ZC4H2: variants seen among roughly 807,000 people sequenced by gnomAD.
ZC4H2 encodes the protein zinc finger C4H2 domain-containing protein.
For missense variants in ZC4H2, 137 were observed against 173.9 expected, an observed-to-expected ratio of 0.79 and a Z score of 1.19; for synonymous variants, 84 against 66.3, an observed-to-expected ratio of 1.27 and a Z score of -1.30.
intron 1 of ZC4H2, among the ~76,000 whole-genome samples, chrX:64,941,190 C>G (rs1016668693): frequency 6.3e-5 from 7 of 111,755 alleles, no homozygotes; most frequent in African/African-American, 2.0e-4. Flanking sequence ...ATTTGGCTCT[C>G]TGTGTGTCTA....
chrX:64,932,799 T>A (rs896316342), intron 1 of ZC4H2, among the ~76,000 whole-genome samples: 1 of 111,398 alleles, frequency 9.0e-6, no homozygotes, highest in East Asian at 2.8e-4. Context: ...ATGTTTTTTT[T>A]AATCTTGACT....
intron 1 of ZC4H2, among the ~76,000 whole-genome samples, chrX:65,022,272 C>T (rs1445295746): frequency 9.0e-6 from 1 of 111,579 alleles, no homozygotes; most frequent in African/African-American, 3.3e-5. Context: ...TGCGAAAATC[C>T]TCAATAAGAT....
At chrX:64,943,998 C>T (rs1930411444) in intron 1 of ZC4H2, among the ~76,000 whole-genome samples, 1 of 110,863 alleles carries the variant, frequency 9.0e-6, no homozygotes, top group Non-Finnish European at 1.9e-5. Flanking sequence ...TTATTGCTTC[C>T]TTCAGGAGCT....
chrX:64,976,899 A>C (rs1931967352), upstream of ZC4H2, among the ~76,000 whole-genome samples: 1 of 96,358 alleles, frequency 1.0e-5, no homozygotes, highest in Admixed American at 1.1e-4. Context: ...CTGCCTGGGG[A>C]CCAGTAACTT....
At chrX:64,926,454 T>G (rs1332723215) in intron 1 of ZC4H2, among the ~76,000 whole-genome samples, 2 of 111,887 alleles carry the variant, frequency 1.8e-5, no homozygotes, top group African/African-American at 6.5e-5. Context: ...ACATTTAGCT[T>G]TTCAATAAAC....
At chrX:65,003,197 C>T (rs1014557449) in intron 1 of ZC4H2, among the ~76,000 whole-genome samples, 5 of 105,986 alleles carry the variant, frequency 4.7e-5, no homozygotes, top group African/African-American at 1.7e-4. Flanking sequence ...GGGTAAATAA[C>T]GAAATTAAGG....
At position 64,998,155 on chromosome X, in the gene ZC4H2, A is replaced by C. The variant is rs956526235; in HGVS notation, c.-272+36474T>G. On this transcript the variant is annotated intron_variant, in intron 1 of 4. Transcript: ENST00000337990. The stretch of plus-strand genomic sequence containing the variant: ...AAGATATAAGACATACAGAAAGCAA[A>C]TAGCAAAATGGCAGAAGTAAACACA... Among the ~76,000 whole-genome samples the C allele has an allele frequency of 5.4e-5, 6 of 111,920 alleles. No individual in the cohort carries two copies. In the East Asian group the frequency reaches 8.4e-4, roughly 16 times the overall value.
At chrX:64,983,411 C>G (rs1448870657) in intron 1 of ZC4H2, among the ~76,000 whole-genome samples, 1 of 111,653 alleles carries the variant, frequency 9.0e-6, no homozygotes, top group Non-Finnish European at 1.9e-5. Context: ...CCTAGCTCCC[C>G]TACCAGACAG....
At chrX:64,923,810 T>C (rs923499868) in intron 1 of ZC4H2, among the ~76,000 whole-genome samples, 1 of 109,411 alleles carries the variant, frequency 9.1e-6, no homozygotes, top group African/African-American at 3.3e-5. Context: ...AAATTGGATG[T>C]TGGGATTTGA....
chrX:64,938,021 AATAG>A (rs1280546475), intron 1 of ZC4H2, among the ~76,000 whole-genome samples: 2 of 111,987 alleles, frequency 1.8e-5, no homozygotes, highest in Non-Finnish European at 1.9e-5. Flanking sequence ...AAGTCATCAA[AATAG>A]ATAGTCTGCT....
At position 64,996,702 on chromosome X, in the gene ZC4H2, A is replaced by G. The variant is rs192942133; in HGVS notation, c.-272+37927T>C. On this transcript the variant is annotated intron_variant, in intron 1 of 4. Coordinates refer to the ZC4H2 transcript ENST00000337990. ...AAGTACAATAACTGAAATAAAAAAAATTCACTACAGGGGTTCAGTAGAAAA... is the reference window on the plus strand; with the variant it reads ...AAGTACAATAACTGAAATAAAAAAAGTTCACTACAGGGGTTCAGTAGAAAA... 1.0e-3 allele frequency among the ~76,000 whole-genome samples: 114 copies of G among 111,684 alleles called. 2 individuals carry two copies. The highest frequency in any genetic ancestry group is 6.7e-3 in the South Asian group (18 of 2,677).
intron 1 of ZC4H2, among the ~76,000 whole-genome samples, chrX:65,000,702 G>A (rs1444716734): frequency 2.7e-5 from 3 of 112,021 alleles, no homozygotes; most frequent in Non-Finnish European, 5.6e-5. Flanking sequence ...AAGGTTAGAC[G>A]AATTGCTAAC....
chrX:64,957,703 A>T (rs568598979), intron 1 of ZC4H2, among the ~76,000 whole-genome samples: 4 of 108,689 alleles, frequency 3.7e-5, no homozygotes, highest in South Asian at 4.0e-4. Flanking sequence ...CTATTAAAAA[A>T]ATATATAAAT....
chrX:64,934,125 G>C (rs773061341), intron 1 of ZC4H2, among the ~76,000 whole-genome samples: 25 of 112,101 alleles, frequency 2.2e-4, no homozygotes, highest in Non-Finnish European at 4.3e-4. Flanking sequence ...TGGGAGAGAA[G>C]ACCTGCTATT....
At chrX:64,992,447 C>T (rs753336460) in intron 1 of ZC4H2, among the ~76,000 whole-genome samples, 32 of 111,625 alleles carry the variant, frequency 2.9e-4, no homozygotes, top group Non-Finnish European at 5.6e-4. Context: ...GTTATAATAA[C>T]CTCTGCCCAC....
intron 1 of ZC4H2, among the ~76,000 whole-genome samples, chrX:65,019,751 C>T (rs1932822740): frequency 8.9e-6 from 1 of 111,991 alleles, no homozygotes; most frequent in African/African-American, 3.2e-5. Flanking sequence ...GCTAAAGGAG[C>T]ATGTTCTAAC....
chrX:64,990,371 G>C (rs185494362), intron 1 of ZC4H2, among the ~76,000 whole-genome samples: 80 of 111,481 alleles, frequency 7.2e-4, no homozygotes, highest in Non-Finnish European at 2.5e-4. Context: ...AATGGTAGTG[G>C]GAGGGAAGTA....
chrX:65,020,768 G>A (rs553519966), intron 1 of ZC4H2, among the ~76,000 whole-genome samples: 1 of 111,733 alleles, frequency 8.9e-6, no homozygotes, highest in African/African-American at 3.3e-5. Flanking sequence ...TCCCATCGAA[G>A]TGCTGTACTC....
At chrX:64,990,803 C>T (rs1489903453) in intron 1 of ZC4H2, among the ~76,000 whole-genome samples, 1 of 111,183 alleles carries the variant, frequency 9.0e-6, no homozygotes, top group Non-Finnish European at 1.9e-5. Flanking sequence ...ATGAATTATT[C>T]TCAGTCATAC....
Sources: gnomAD v4.1 joint callset for allele counts (sites outside exome capture counted in the v4.1 genomes callset) on GRCh38, gnomAD v4.1.1 for gene constraint, MANE v1.5 for transcripts, NCBI Gene and HGNC (gene_info 2026-07-23, HGNC 2026-07-21) for gene names.